GLP1R: variants seen among roughly 807,000 people sequenced by gnomAD.
GLP1R encodes the protein glucagon-like peptide 1 receptor.
GLP1R carries 32 observed loss-of-function variants against 68.4 expected under a neutral mutation model. The observed-to-expected ratio is 0.47, with a 90% confidence interval of 0.35 to 0.63. The LOEUF is 0.63. Ranked by LOEUF, GLP1R falls within the 20% of genes least tolerant of loss-of-function variation. The pLI, the probability that GLP1R is intolerant of heterozygous loss-of-function variation, is 0.00. For synonymous variants in GLP1R, 263 were observed against 244.4 expected, an observed-to-expected ratio of 1.08 and a Z score of -0.71; for missense variants, 502 against 594.9, an observed-to-expected ratio of 0.84 and a Z score of 1.62.
Position 39,079,238 on chromosome 6 carries a change from C to T in GLP1R, c.1043+38C>T. ...AGCTGGCTTTACTGAGGACCCTCAG[C>T]AAGTGCCCCTTTCCTTCTAGCAGAG... On this transcript the variant is annotated intron_variant, in intron 10 of 12. Transcript: ENST00000373256. This position sits in a 1 kb window ranked among gnomAD's most constrained non-coding sequence, Gnocchi z 4.5. 1 of 1,350,908 alleles carries T rather than the reference C, an allele frequency of 7.4e-7. No individual in the cohort carries two copies. 83.7% of individuals were successfully genotyped at this position (1,350,908 alleles called of 1,614,324 possible). A position where few individuals can be genotyped will look rare whatever the true frequency, so the allele number is the denominator to read the frequency against.
At position 39,073,760 on chromosome 6, in the gene GLP1R, A is replaced by G. The variant is rs1768737563; in HGVS notation, c.814A>G (p.Ile272Val). The G allele has an allele frequency of 1.2e-6, 2 of 1,613,960 alleles. No homozygotes were observed. The highest frequency in any genetic ancestry group is 2.7e-5 in the African/African-American group (2 of 75,022). The change falls in exon 7 of 13, where the codon ATA (isoleucine) becomes GTA (valine). Residue 272 changes from isoleucine (I) to valine (V), a missense_variant. By Grantham distance (29) the Ile-to-Val change is conservative. Transcript: ENST00000373256. ...EQWIFRLYVS[I>V]GWGVPLLFVV... ...ATGGATCTTCAGGCTCTACGTGAGC[A>G]TAGGCTGGGGTAAGAACCGCCATCA...
Position 39,089,420 on chromosome 6 carries a change from C to T in GLP1R, c.*3347C>T, listed in dbSNP as rs1211561722. ...TCTGAATTTGGAGACAGCTAGCAAA[C>T]GGCAACTGTAGCCTAGCAAAGATGG... On this transcript the variant is annotated 3_prime_UTR_variant, in exon 13 of 13. Coordinates refer to ENST00000373256, the MANE Select transcript of GLP1R (RefSeq NM_002062.5). The surrounding 1 kb of genome is among the most constrained non-coding windows in gnomAD (Gnocchi z 4.1). Among the ~76,000 whole-genome samples, 4 of 152,132 alleles carry T rather than the reference C, an allele frequency of 2.6e-5. No individual in the cohort carries two copies. The highest frequency in any genetic ancestry group is 7.2e-5 in the African/African-American group (3 of 41,434).
intron 12 of GLP1R, among the ~76,000 whole-genome samples, chr6:39,083,243 C>G (rs569247117): frequency 6.6e-6 from 1 of 152,284 alleles, no homozygotes; most frequent in South Asian, 2.1e-4. Flanking sequence ...TTCAGAGCAC[C>G]AGCCAGTTCC....
chr6:39,080,805 A>ACTACTC, intron 12 of GLP1R, 66 bp downstream of exon 12: 1 of 931,676 alleles, frequency 1.1e-6, no homozygotes, highest in Non-Finnish European at 1.6e-6. Flanking sequence ...CTGGAGTAGT[A>ACTACTC]CAATGGGGAC....
intron 5 of GLP1R, among the ~76,000 whole-genome samples, chr6:39,067,667 G>GC (rs541648320): frequency 3.3e-5 from 5 of 152,002 alleles, no homozygotes; most frequent in Non-Finnish European, 5.9e-5. Flanking sequence ...TCTGCCCCTG[G>GC]CCCCCCCAAA....
At chr6:39,056,222 G>C (rs936029675) in intron 1 of GLP1R, among the ~76,000 whole-genome samples, 175 bp from the exon 2 acceptor site, 1 of 152,114 alleles carries the variant, frequency 6.6e-6, no homozygotes, top group Non-Finnish European at 1.5e-5. Context: ...CATCCACCTG[G>C]GGCCCCTGGG....
At position 39,064,847 on chromosome 6, in the gene GLP1R, G is replaced by GT. The variant is rs374137912; in HGVS notation, c.284-858dup. On this transcript the variant is annotated intron_variant, in intron 3 of 12. Transcript: ENST00000373256. ...GCTCTTCCTTTCTCAGGTCTTTTTT[G>GT]TTTTTTCTGTGTGAGTCTTGATTCT... Among the ~76,000 whole-genome samples the GT allele has an allele frequency of 9.9e-4, 150 of 152,152 alleles. No homozygotes were observed. In the Middle Eastern group the frequency reaches 0.014, roughly 14 times the overall value.
rs1366276365 is a variant in GLP1R, at chr6:39,049,609, C to G, written c.78+691C>G. Among the ~76,000 whole-genome samples, 1 of 152,146 alleles carries G rather than the reference C, an allele frequency of 6.6e-6. No individual in the cohort carries two copies. The highest frequency in any genetic ancestry group is 1.5e-5 in the Non-Finnish European group (1 of 68,024). ...CCCTGGAAGCAGCCAGGCGCCCCCA[C>G]TCACCCACTCTGCTGACCTCCCATT... On this transcript the variant is annotated intron_variant, in intron 1 of 12. Transcript: ENST00000373256. This position sits in a 1 kb window ranked among gnomAD's most constrained non-coding sequence, Gnocchi z 4.5.
chr6:39,067,632 T>C (rs186703842), intron 5 of GLP1R, among the ~76,000 whole-genome samples: 66 of 152,278 alleles, frequency 4.3e-4, no homozygotes, highest in Non-Finnish European at 8.5e-4. Context: ...AATTTTGGAG[T>C]GACACAACAT....
rs772450698 is a variant in GLP1R at position 39,079,099 on chromosome 6, C to T, written c.955-13C>T. On this transcript the variant is annotated splice_polypyrimidine_tract_variant and intron_variant, in intron 9 of 12. Coordinates refer to ENST00000373256, the MANE Select transcript of GLP1R (RefSeq NM_002062.5). The surrounding 1 kb of genome is among the most constrained non-coding windows in gnomAD (Gnocchi z 4.5). ...GCTGGTGCCCCCTGCCAATCCCCGG[C>T]CCCACCCCGCAGGTGAACTTCCTCA... The T allele has an allele frequency of 6.2e-7, 1 of 1,612,970 alleles. No homozygotes were observed. Among genetic ancestry groups the T allele is most frequent in the Non-Finnish European group, 8.5e-7 (1 of 1,178,926 alleles).
rs199681542 is a variant in GLP1R, at chr6:39,057,503, C to T, written c.207C>T (p.Tyr69=). The T allele has an allele frequency of 3.5e-5, 56 of 1,613,288 alleles. No homozygotes were observed. The highest frequency in any genetic ancestry group is 3.1e-4 in the East Asian group (14 of 44,866). ...TCTGCAACCGGACCTTCGATGAATA[C>T]GCCTGCTGGCCAGATGGGGAGCCAG... ...DLFCNRTFDE[Y]ACWPDGEPGS... is the part of the protein sequence containing the mutation. Residue 69 remains tyrosine (Y), a synonymous_variant, in exon 3 of 13, where the codon TAC becomes TAT. Coordinates refer to ENST00000373256, the MANE Select transcript of GLP1R (RefSeq NM_002062.5).
intron 3 of GLP1R, among the ~76,000 whole-genome samples, chr6:39,059,738 G>T (rs537397098): frequency 4.6e-5 from 7 of 152,100 alleles, no homozygotes; most frequent in African/African-American, 1.7e-4. Context: ...CCATAGATTT[G>T]AGACTGGCAG....
chr6:39,065,651 A>G (rs910162), intron 3 of GLP1R, 60 bp from the exon 4 acceptor site: 1 of 1,031,278 alleles, frequency 9.7e-7, no homozygotes, highest in East Asian at 2.6e-5. Context: ...GGGAGCATCT[A>G]GCACTGGGCA....
In GLP1R at chr6:39,086,010, G is replaced by A. The variant is rs371819123; in HGVS notation, c.1329G>A (p.Leu443=). 1.2e-6 allele frequency: 2 copies of A among 1,613,964 alleles called. No homozygotes were observed. The highest frequency in any genetic ancestry group is 2.2e-5 in the East Asian group (1 of 44,890). ...MKPLKCPTSS[L]SSGATAGSSM... is the part of the protein sequence containing the mutation. The stretch of plus-strand genomic sequence containing the variant: ...CCCTCAAGTGTCCCACCAGCAGCCT[G>A]AGCAGTGGAGCCACGGCGGGCAGCA... The change falls in exon 13 of 13, where the codon CTG becomes CTA. Residue 443 remains leucine (L), a synonymous_variant. Transcript: ENST00000373256. This position sits in a 1 kb window ranked among gnomAD's most constrained non-coding sequence, Gnocchi z 4.5.
At chr6:39,081,303 T>C (rs1405783037) in intron 12 of GLP1R, among the ~76,000 whole-genome samples, 1 of 152,206 alleles carries the variant, frequency 6.6e-6, no homozygotes, top group African/African-American at 2.4e-5. Flanking sequence ...AATAGTGGCA[T>C]GGCAGAGCCA....
chr6:39,065,772 C>T lies in GLP1R; in HGVS notation c.345C>T (p.Asn115=). The T allele has an allele frequency of 1.3e-6, 2 of 1,594,072 alleles. No individual in the cohort carries two copies. Residue 115 remains asparagine, a synonymous_variant, in exon 4 of 13, where the codon AAC becomes AAT. Coordinates refer to ENST00000373256, the MANE Select transcript of GLP1R (RefSeq NM_002062.5). The part of the protein sequence containing the change: ...TAEGLWLQKD[N]SSLPWRDLSE... ...AAGGCCTCTGGCTGCAGAAGGACAA[C>T]TCCAGCCTGCCCTGGAGGGACTTGT...
intron 3 of GLP1R, among the ~76,000 whole-genome samples, chr6:39,057,811 C>A (rs1368335657): frequency 6.7e-6 from 1 of 150,300 alleles, no homozygotes; most frequent in Non-Finnish European, 1.5e-5. Flanking sequence ...TGAGCCCCCT[C>A]CCTAACCTGG....
rs1554173005 is a variant in GLP1R at position 39,086,190 on chromosome 6, C to CACACACACACAA, written c.*128_*129insAACACACACACA. On this transcript the variant is annotated 3_prime_UTR_variant, in exon 13 of 13. Transcript: ENST00000373256. This position sits in a 1 kb window ranked among gnomAD's most constrained non-coding sequence, Gnocchi z 4.5. ...GGACACACACACACACACACACACA[C>CACACACACACAA]ACACACACACACACATACATCCTGC... 1.8e-4 allele frequency: 130 copies of CACACACACACAA among 715,084 alleles called. No individual in the cohort carries two copies. In the African/African-American group the frequency reaches 1.9e-3, roughly 10 times the overall value. 44.3% of individuals were successfully genotyped at this position (715,084 alleles called of 1,614,324 possible).
Position 39,073,645 on chromosome 6 carries a change from G to T in GLP1R, c.699G>T (p.Met233Ile). ...SLSCRLVFLL[M>I]QYCVAANYYW... ...GCTGCCGCCTGGTGTTTCTGCTCAT[G>T]CAGTACTGTGTGGCGGCCAATTACT... is the stretch of plus-strand genomic sequence containing the variant. The change falls in exon 7 of 13, where the codon ATG becomes ATT. Residue 233 changes from methionine (M) to isoleucine (I), a missense_variant. By Grantham distance (10) the Met-to-Ile change is conservative (BLOSUM62 1). Transcript: ENST00000373256. 1.9e-6 allele frequency: 3 copies of T among 1,614,032 alleles called. No homozygotes were observed. The highest frequency in any genetic ancestry group is 2.5e-6 in the Non-Finnish European group (3 of 1,179,940).
Sources: allele counts gnomAD v4.1 joint callset (sites outside exome capture counted in the v4.1 genomes callset), GRCh38; gene constraint gnomAD v4.1.1; non-coding constraint Gnocchi (gnomAD v3.1); transcripts MANE v1.5; gene names NCBI Gene and HGNC (gene_info 2026-07-23, HGNC 2026-07-21).